Variants in ANO9 observed in about 807,000 individuals in gnomAD.
ANO9 encodes the protein anoctamin-9.
ANO9 carries 80 observed loss-of-function variants against 100.5 expected under a neutral mutation model. The observed-to-expected ratio is 0.80, with a 90% CI of 0.66 to 0.96. ANO9 has a LOEUF of 0.96. Among genes scored for constraint, ANO9 ranks in the 40% least tolerant of loss-of-function variants. ANO9 has a pLI of 0.00. For synonymous variants in ANO9, 473 were observed against 435.6 expected (o/e 1.09, Z -1.07); for missense variants, 1,064 against 1,072.7 (o/e 0.99, Z 0.11).
intron 4 of ANO9, 45 bp downstream of exon 4, chr11:433,269 T>TG: frequency 1.3e-6 from 2 of 1,596,416 alleles, no homozygotes; most frequent in South Asian, 2.2e-5. Context: ...ATCACACAGG[T>TG]GGCAAGGGGT....
chr11:429,830 A>G lies in ANO9; in HGVS notation c.772-12T>C, dbSNP rs1261650215. 4 of 1,579,848 alleles carry G rather than the reference A, an allele frequency of 2.5e-6. No homozygotes were observed. The Admixed American group carries it at 6.9e-5, about 27-fold the overall frequency. ...AAGAGGTGGGTGAGCTGGGGGGGTG[A>G]TAGGTGGGCCGGAGAGGAGGTGGGT... On this transcript the variant is annotated splice_polypyrimidine_tract_variant and intron_variant, in intron 9 of 22. Coordinates refer to ENST00000332826, the MANE Select transcript of ANO9 (RefSeq NM_001012302.3).
chr11:418,838 C>T (rs746360214), intron 21 of ANO9, 25 bp from the exon 22 acceptor site: 2 of 1,613,446 alleles, frequency 1.2e-6, no homozygotes, highest in Non-Finnish European at 1.7e-6. Flanking sequence ...TACCTGAGGT[C>T]AGGGGTCAGG....
chr11:434,408 C>T (rs972321881), intron 1 of ANO9, among the ~76,000 whole-genome samples: 1 of 152,184 alleles, frequency 6.6e-6, no homozygotes, highest in Non-Finnish European at 1.5e-5. Context: ...ACAGGGGAAG[C>T]GACGGGAACT....
intron 15 of ANO9, among the ~76,000 whole-genome samples, chr11:424,223 G>A (rs1848363418): frequency 6.6e-6 from 1 of 152,214 alleles, no homozygotes; most frequent in Non-Finnish European, 1.5e-5. Context: ...TAATCTTGAG[G>A]AGTGGCATGA....
intron 11 of ANO9, among the ~76,000 whole-genome samples, chr11:429,248 C>T (rs1414852915): frequency 2.6e-4 from 35 of 137,004 alleles, no homozygotes; most frequent in African/African-American, 8.6e-4. Context: ...CACAGGGACA[C>T]ACCTCACGGG....
chr11:435,445 T>G (rs943692832), intron 1 of ANO9, among the ~76,000 whole-genome samples: 4 of 151,988 alleles, frequency 2.6e-5, no homozygotes, highest in Non-Finnish European at 4.4e-5. Flanking sequence ...TCTAGTCTAG[T>G]ATAGCATAGG....
At chr11:420,124 G>T in intron 19 of ANO9, 1 of 1,330,764 alleles carries the variant, frequency 7.5e-7, no homozygotes, top group Non-Finnish European at 9.6e-7. Flanking sequence ...CTCCCCTGCT[G>T]CCTGTCCGTC....
chr11:420,844 A>G lies in ANO9; in HGVS notation c.1507T>C (p.Cys503Arg). The change falls in exon 18 of 23, where the codon TGC (cysteine) becomes CGC (arginine). Residue 503 changes from cysteine (C) to arginine (R), a missense_variant. Cys to Arg is a radical substitution (Grantham distance 180, BLOSUM62 -3). Coordinates refer to ENST00000332826, the MANE Select transcript of ANO9 (RefSeq NM_001012302.3). The part of the protein sequence containing the change: ...EYLVPWVTHK[C>R]RSLRASESGH... ...GACTCGGAGGCCCGCAGAGAGCGGC[A>G]CTTGTGGGTCACCCACCTGCGGGGA... 6.3e-7 allele frequency: 1 copy of G among 1,591,584 alleles called. No homozygotes were observed. The highest frequency in any genetic ancestry group is 1.1e-5 in the South Asian group (1 of 89,706).
rs1848107169 is a variant in ANO9 at position 420,494 on chromosome 11, C to T, written c.1755G>A (p.Arg585=). 2 of 1,604,048 alleles carry T rather than the reference C, an allele frequency of 1.2e-6. No individual in the cohort carries two copies. Among genetic ancestry groups the T allele is most frequent in the South Asian group, 1.1e-5 (1 of 91,026 alleles). Residue 585 remains arginine (R), a synonymous_variant, in exon 19 of 23, where the codon CGG becomes CGA. Coordinates refer to ENST00000332826, the MANE Select transcript of ANO9 (RefSeq NM_001012302.3). ...CCTTGGCCTTGCGCGGCACCAGGCG[C>T]CGCTGCAACCAGACCATCTTGATGG... The part of the protein sequence containing the change: ...LDAIKMVWLQ[R]RLVPRKAKDI...
rs191981634 is a variant in ANO9, at chr11:441,776, G to A, written c.6+145C>T. ...TTAGCTGAGCCGGGCGGTCACCCTC[G>A]CCTGACCGGGCAGCCTGCAGGGACC... On this transcript the variant is annotated intron_variant, in intron 1 of 22. Coordinates refer to ENST00000332826, the MANE Select transcript of ANO9 (RefSeq NM_001012302.3). 1.2e-3 allele frequency: 1,568 copies of A among 1,305,966 alleles called. 18 individuals are homozygous for A. In the African/African-American group the frequency reaches 0.02, roughly 17 times the overall value. 80.9% of individuals were successfully genotyped at this position (1,305,966 alleles called of 1,614,324 possible).
At chr11:439,734 T>C (rs531299007) in intron 1 of ANO9, among the ~76,000 whole-genome samples, 7 of 152,202 alleles carry the variant, frequency 4.6e-5, no homozygotes, top group Non-Finnish European at 1.0e-4. Context: ...GCCCACCTTG[T>C]GAGCCACAGC....
Position 432,140 on chromosome 11 carries a change from C to T in ANO9, c.351-86G>A. 6.9e-7 allele frequency: 1 copy of T among 1,449,764 alleles called. No individual in the cohort carries two copies. The highest frequency in any genetic ancestry group is 1.4e-5 in the African/African-American group (1 of 71,786). 89.8% of individuals were successfully genotyped at this position (1,449,764 alleles called of 1,614,324 possible). A position where few individuals can be genotyped will look rare whatever the true frequency, so the allele number is the denominator to read the frequency against. ...ACCTGCCCTCTGGTCTGGCCAGGCC[C>T]AGGCCCCTCCCTGTCCTGGCAGAGC... is the stretch of plus-strand genomic sequence containing the variant. On this transcript the variant is annotated intron_variant, in intron 4 of 22. Transcript: ENST00000332826. The surrounding 1 kb of genome is among the most constrained non-coding windows in gnomAD (Gnocchi z 4.8).
At chr11:437,200 GA>G (rs1201564149) in intron 1 of ANO9, among the ~76,000 whole-genome samples, 1 of 152,078 alleles carries the variant, frequency 6.6e-6, no homozygotes, top group African/African-American at 2.4e-5. Flanking sequence ...TCTAATGCCT[GA>G]TGATCTGAGG....
At chr11:425,200 CGTGG>C (rs1564911382) in intron 15 of ANO9, among the ~76,000 whole-genome samples, 12 of 17,854 alleles carry the variant, frequency 6.7e-4, no homozygotes, top group Non-Finnish European at 9.1e-4. Context: ...GAAAAGGCGG[CGTGG>C]AGCGACGGGA....
chr11:437,889 AC>A (rs1845487019), intron 1 of ANO9, among the ~76,000 whole-genome samples: 1 of 151,738 alleles, frequency 6.6e-6, no homozygotes, highest in South Asian at 2.1e-4. Context: ...GAAATTAGAG[AC>A]CCCCTCACAT....
chr11:433,842 C>T lies in ANO9; in HGVS notation c.177G>A (p.Glu59=). The change falls in exon 3 of 23, where the codon GAG becomes GAA. Residue 59 remains glutamate (E), a synonymous_variant. Transcript: ENST00000332826. ...TAATGTGGAAGCCCTTTCTCCTGAGCTCCTCCAGGAACTGTTGCTGCCGCG... is the reference window on the plus strand; with the variant it reads ...TAATGTGGAAGCCCTTTCTCCTGAGTTCCTCCAGGAACTGTTGCTGCCGCG... ...RQARQQQFLE[E]LRRKGFHIKV... 6.4e-6 allele frequency: 10 copies of T among 1,562,796 alleles called. No homozygotes were observed. The highest frequency in any genetic ancestry group is 8.7e-6 in the Non-Finnish European group (10 of 1,153,836).
At chr11:420,916 C>G (rs775894278) in intron 17 of ANO9, 29 bp downstream of exon 17, 9 of 1,597,878 alleles carry the variant, frequency 5.6e-6, no homozygotes, top group Admixed American at 1.7e-5. Context: ...GCCTGGGGCT[C>G]CCGGGGCTGG....
rs1590574639 is a variant in ANO9 at position 441,996 on chromosome 11, T to A, written c.-70A>T. ...AGTGGCTGCCAGCGGCGGGTGCTCC[T>A]ACCTGACTTCCGCGTGGGGCTCGCC... On this transcript the variant is annotated 5_prime_UTR_variant, in exon 1 of 23. Transcript: ENST00000332826. The A allele has an allele frequency of 6.3e-7, 1 of 1,574,934 alleles. No homozygotes were observed. Among genetic ancestry groups the A allele is most frequent in the East Asian group, 2.3e-5 (1 of 44,008 alleles).
intron 15 of ANO9, among the ~76,000 whole-genome samples, chr11:424,544 T>C (rs1848383167): frequency 6.6e-6 from 1 of 152,196 alleles, no homozygotes; most frequent in African/African-American, 2.4e-5. Flanking sequence ...GAGTGGGCAA[T>C]GGATGTAGCT....
Sources: gnomAD v4.1 joint callset for allele counts (sites outside exome capture counted in the v4.1 genomes callset) on GRCh38, gnomAD v4.1.1 for gene constraint, Gnocchi (gnomAD v3.1) non-coding constraint, MANE v1.5 for transcripts, NCBI Gene and HGNC (gene_info 2026-07-23, HGNC 2026-07-21) for gene names.